Variants in WDPCP observed in about 807,000 individuals in gnomAD.
WDPCP encodes WD repeat containing planar cell polarity effector, also known as WD repeat-containing and planar cell polarity effector protein fritz homolog.
In WDPCP, 71 loss-of-function variants were observed where a neutral mutation model predicts 93.1. The observed-to-expected ratio is 0.76, with a 90% confidence interval of 0.63 to 0.93. The LOEUF (loss-of-function observed/expected upper bound fraction) is 0.93. Among genes scored for constraint, WDPCP ranks in the 40% least tolerant of loss-of-function variants. The pLI is 0.00. For missense variants in WDPCP, 844 were observed against 887.4 expected (o/e 0.95, Z 0.62); for synonymous variants, 315 against 315.0 (o/e 1.00, Z 0.00).
chr2:63,533,419 T>A (rs1243917232), intron 1 of WDPCP, among the ~76,000 whole-genome samples: 2 of 152,238 alleles, frequency 1.3e-5, no homozygotes, highest in Non-Finnish European at 2.9e-5. Context: ...CTTCTCAGCA[T>A]CACATCACAC....
intron 14 of WDPCP, among the ~76,000 whole-genome samples, chr2:63,186,386 C>G (rs1674642342): frequency 6.6e-6 from 1 of 152,214 alleles, no homozygotes; most frequent in Non-Finnish European, 1.5e-5. Flanking sequence ...ACTCCATTCT[C>G]CAGCCCAAGA....
At chr2:63,681,111 C>T (rs2103631534) in intron 2 of WDPCP, among the ~76,000 whole-genome samples, 1 of 152,194 alleles carries the variant, frequency 6.6e-6, no homozygotes. Context: ...CAGCACATTC[C>T]CAGCTGCATT....
chr2:63,800,602 T>C, intron 2 of WDPCP, among the ~76,000 whole-genome samples: 1 of 152,172 alleles, frequency 6.6e-6, no homozygotes, highest in East Asian at 1.9e-4. Flanking sequence ...CAGGGTTAAA[T>C]ATGTGGGTCC....
Position 63,552,109 on chromosome 2 carries a change from A to G in WDPCP, c.75+36088T>C, listed in dbSNP as rs1022448953. On this transcript the variant is annotated intron_variant, in intron 1 of 17. Transcript: ENST00000272321. ...ACTTGGCCCTGCTTTCTTTAAAACA[A>G]TATTTTATATTCTATATTCTATTTA... is the stretch of plus-strand genomic sequence containing the variant. 2.2e-4 allele frequency among the ~76,000 whole-genome samples: 5 copies of G among 22,542 alleles called. 1 individual carries two copies. The highest frequency in any genetic ancestry group is 1.9e-3 in the African/African-American group (5 of 2,674). The allele number at this position is 22,542 out of a possible 152,430, so 14.8% of individuals were successfully genotyped here.
chr2:63,486,558 CTTCTT>C lies in WDPCP; in HGVS notation c.232_236del (p.Lys78AlafsTer73). ...TAAGCTTACACTCTGCCAGCTTCTG[CTTCTT>C]TTCTAAGTTACCATGCTCTGTCGCT... is the stretch of plus-strand genomic sequence containing the variant. On this transcript the variant is annotated frameshift_variant, in exon 4 of 18. Transcript: ENST00000272321. LOFTEE classifies it high-confidence loss of function. 2 of 1,576,810 alleles carry C rather than the reference CTTCTT, an allele frequency of 1.3e-6. No individual in the cohort carries two copies. The highest frequency in any genetic ancestry group is 1.7e-6 in the Non-Finnish European group (2 of 1,158,150).
intron 1 of WDPCP, among the ~76,000 whole-genome samples, chr2:63,539,147 C>T (rs1374717258): frequency 2.6e-5 from 4 of 152,126 alleles, no homozygotes; most frequent in Non-Finnish European, 4.4e-5. Context: ...GTGAAACTTT[C>T]CCCAATATGC....
At chr2:63,731,355 A>T (rs552045103) in intron 2 of WDPCP, among the ~76,000 whole-genome samples, 3 of 152,202 alleles carry the variant, frequency 2.0e-5, no homozygotes, top group East Asian at 3.9e-4. Flanking sequence ...GTGCAGTTTT[A>T]AAAACTGAGG....
rs760952950 is a variant in WDPCP, at chr2:63,575,469, A to ACTGTATACACTGTATATACACT, written c.75+12727_75+12728insAGTGTATATACAGTGTATACAG. 1.1e-3 allele frequency among the ~76,000 whole-genome samples: 18 copies of ACTGTATACACTGTATATACACT among 16,326 alleles called. 1 individual carries two copies. Among genetic ancestry groups the ACTGTATACACTGTATATACACT allele is most frequent in the Non-Finnish European group, 1.6e-3 (14 of 8,624 alleles). 10.7% of individuals were successfully genotyped at this position (16,326 alleles called of 152,430 possible). A position where few individuals can be genotyped will look rare whatever the true frequency, so the allele number is the denominator to read the frequency against. Reference sequence around the variant, plus strand: ...TACACTGTATATACAGTATATATGCAGTATATACAGTGTATATATAGTATA... The same window carrying ACTGTATACACTGTATATACACT: ...TACACTGTATATACAGTATATATGCACTGTATACACTGTATATACACTGTATATACAGTGTATATATAGTATA... On this transcript the variant is annotated intron_variant, in intron 1 of 17. Transcript: ENST00000272321.
chr2:63,765,049 A>C (rs879344177), intron 2 of WDPCP, among the ~76,000 whole-genome samples: 3 of 152,236 alleles, frequency 2.0e-5, no homozygotes, highest in Admixed American at 2.0e-4. Context: ...TAAACATGGA[A>C]GATACAATGG....
intron 3 of WDPCP, among the ~76,000 whole-genome samples, chr2:63,648,843 C>A (rs918289119): frequency 6.6e-6 from 1 of 152,110 alleles, no homozygotes; most frequent in East Asian, 1.9e-4. Context: ...CTGCCAATTC[C>A]AATCAAAGAT....
intron 14 of WDPCP, among the ~76,000 whole-genome samples, chr2:63,207,877 C>T (rs1396561879): frequency 6.6e-6 from 1 of 152,062 alleles, no homozygotes; most frequent in Admixed American, 6.6e-5. Context: ...TCTTCTTTGC[C>T]TATCATCTTT....
intron 2 of WDPCP, among the ~76,000 whole-genome samples, chr2:63,674,267 A>G (rs1465538054): frequency 6.6e-6 from 1 of 152,194 alleles, no homozygotes; most frequent in Non-Finnish European, 1.5e-5. Context: ...TCCCAAGATT[A>G]CTATATAGAC....
chr2:63,446,335 T>C (rs1009405220), intron 6 of WDPCP, among the ~76,000 whole-genome samples: 8 of 152,162 alleles, frequency 5.3e-5, no homozygotes, highest in Non-Finnish European at 1.0e-4. Context: ...GTAAACCCTA[T>C]TGGGAACTGT....
chr2:63,832,907 G>C, the WDPCP span, among the ~76,000 whole-genome samples: 1,858 of 152,246 alleles, frequency 0.012, 17 homozygotes, highest in Non-Finnish European at 0.015. Flanking sequence ...GCAATACAGG[G>C]AATAATCATT....
intron 9 of WDPCP, among the ~76,000 whole-genome samples, chr2:63,421,598 A>G (rs1369356477): frequency 6.6e-6 from 1 of 152,238 alleles, no homozygotes; most frequent in African/African-American, 2.4e-5. Context: ...AGCTTTCACA[A>G]AAAGTTGGTT....
At chr2:63,620,735 C>T (rs1034207554) in intron 3 of WDPCP, among the ~76,000 whole-genome samples, 23 of 152,178 alleles carry the variant, frequency 1.5e-4, no homozygotes, top group African/African-American at 4.6e-4. Context: ...CTGGGAGACA[C>T]CTCCCAGCAG....
At position 63,588,340 on chromosome 2, in the gene WDPCP, C is replaced by T. The variant is rs1709025606; in HGVS notation, c.-69G>A. 6.5e-7 allele frequency: 1 copy of T among 1,533,792 alleles called. No homozygotes were observed. The highest frequency in any genetic ancestry group is 1.2e-5 in the South Asian group (1 of 83,808). On this transcript the variant is annotated 5_prime_UTR_variant, in exon 1 of 18. Transcript: ENST00000272321. ...CGGACCCGAGAGGGAGCGACACGCT[C>T]GCTTGGTCTCTTGGGTCTCCAGGAC...
Position 63,280,517 on chromosome 2 carries a change from C to G in WDPCP, c.1813-21108G>C, listed in dbSNP as rs574468001. On this transcript the variant is annotated intron_variant, in intron 13 of 17. Coordinates refer to ENST00000272321, the MANE Select transcript of WDPCP (RefSeq NM_015910.7). ...GCCAAACCATATCAAGCCCACAGAGCCAAAGCAAGACAAAGCAAAAAGAAC... is the reference window on the plus strand; with the variant it reads ...GCCAAACCATATCAAGCCCACAGAGGCAAAGCAAGACAAAGCAAAAAGAAC... Among the ~76,000 whole-genome samples, 5 of 152,176 alleles carry G rather than the reference C, an allele frequency of 3.3e-5. No individual in the cohort carries two copies. In the South Asian group the frequency reaches 1.0e-3, roughly 32 times the overall value.
intron 2 of WDPCP, among the ~76,000 whole-genome samples, chr2:63,666,194 T>C (rs922786479): frequency 1.3e-5 from 2 of 152,220 alleles, no homozygotes; most frequent in African/African-American, 4.8e-5. Context: ...ATTTTTTCAT[T>C]CCTTGAAAAT....
Sources: allele counts gnomAD v4.1 joint callset (sites outside exome capture counted in the v4.1 genomes callset), GRCh38; gene constraint gnomAD v4.1.1; transcripts MANE v1.5; gene names NCBI Gene and HGNC (gene_info 2026-07-23, HGNC 2026-07-21).